AUTS2: variants seen among roughly 807,000 people sequenced by gnomAD.
The protein encoded by AUTS2 is activator of transcription and developmental regulator AUTS2, also known as autism susceptibility gene 2 protein.
Under a neutral mutation model 112.4 loss-of-function variants are expected in AUTS2, and 17 were observed. The observed-to-expected ratio is 0.15, with a 90% confidence interval of 0.10 to 0.23. The LOEUF (loss-of-function observed/expected upper bound fraction) is 0.23, where lower values mean the gene tolerates loss of function less well. AUTS2 is among the 10% of genes least tolerant of loss of function. The pLI is 1.00. For synonymous variants in AUTS2, 751 were observed against 702.7 expected, an observed-to-expected ratio of 1.07 and a Z score of -1.09; for missense variants, 1,510 against 1,701.6, an observed-to-expected ratio of 0.89 and a Z score of 1.98.
intron 5 of AUTS2, among the ~76,000 whole-genome samples, chr7:70,575,180 T>C (rs1441211667): frequency 6.6e-6 from 1 of 152,238 alleles, no homozygotes; most frequent in Non-Finnish European, 1.5e-5. Flanking sequence ...CTTCCCCATC[T>C]GTTCACTGCA....
At chr7:70,426,721 A>G (rs1489173669) in intron 4 of AUTS2, among the ~76,000 whole-genome samples, 1 of 152,192 alleles carries the variant, frequency 6.6e-6, no homozygotes, top group Non-Finnish European at 1.5e-5. Flanking sequence ...GATAAGTTCT[A>G]TTAGCATGTT....
At chr7:70,414,562 G>A (rs1376927398) in intron 4 of AUTS2, among the ~76,000 whole-genome samples, 2 of 152,154 alleles carry the variant, frequency 1.3e-5, no homozygotes, top group East Asian at 1.9e-4. Context: ...CCTCCAGAAC[G>A]TGATGTCAGG....
intron 1 of AUTS2, among the ~76,000 whole-genome samples, chr7:69,704,838 C>T (rs752117576): frequency 6.6e-6 from 1 of 152,104 alleles, no homozygotes; most frequent in Non-Finnish European, 1.5e-5. Flanking sequence ...TTCCTGCTTT[C>T]ATGTCTCTGT....
chr7:70,192,592 G>A (rs1052530564), intron 4 of AUTS2, among the ~76,000 whole-genome samples: 18 of 152,204 alleles, frequency 1.2e-4, no homozygotes, highest in Non-Finnish European at 2.9e-5. Flanking sequence ...CTGCCACACA[G>A]TCCATCATGC....
chr7:70,147,042 G>C (rs1382487352), intron 4 of AUTS2, among the ~76,000 whole-genome samples: 3 of 152,034 alleles, frequency 2.0e-5, no homozygotes, highest in Non-Finnish European at 4.4e-5. Flanking sequence ...ACATTACCAA[G>C]TTGTTACAAT....
intron 5 of AUTS2, among the ~76,000 whole-genome samples, chr7:70,455,009 T>C (rs1019427427): frequency 6.6e-6 from 1 of 152,222 alleles, no homozygotes; most frequent in Non-Finnish European, 1.5e-5. Context: ...AGTACCCTTG[T>C]TGATTCTTTG....
At chr7:69,828,361 GGCAGTT>G (rs1329177686) in intron 1 of AUTS2, among the ~76,000 whole-genome samples, 3 of 152,132 alleles carry the variant, frequency 2.0e-5, no homozygotes, top group Non-Finnish European at 4.4e-5. Context: ...CTTTGAAATT[GGCAGTT>G]GCCATCTTTG....
intron 1 of AUTS2, among the ~76,000 whole-genome samples, chr7:69,833,181 A>C (rs766041388): frequency 3.3e-5 from 5 of 152,094 alleles, no homozygotes; most frequent in Admixed American, 6.5e-5. Context: ...TAAAATTTTT[A>C]GGTCCTCCAG....
At chr7:70,515,598 C>T (rs35713975) in intron 5 of AUTS2, among the ~76,000 whole-genome samples, 12,203 of 152,088 alleles carry the variant, frequency 0.08, 587 homozygotes, top group African/African-American at 0.12. Context: ...TCAACGAGAC[C>T]CAGGGGGACA....
intron 4 of AUTS2, among the ~76,000 whole-genome samples, chr7:70,421,151 G>T (rs563854930): frequency 6.6e-6 from 1 of 152,070 alleles, no homozygotes; most frequent in African/African-American, 2.4e-5. Flanking sequence ...GCATAAGAAG[G>T]TAGGATAGCC....
At chr7:69,867,254 A>C (rs189592450) in intron 1 of AUTS2, among the ~76,000 whole-genome samples, 161 of 152,250 alleles carry the variant, frequency 1.1e-3, no homozygotes, top group Middle Eastern at 3.4e-3. Flanking sequence ...GGCCTTGAGG[A>C]CTTGGTGGGA....
Position 70,298,428 on chromosome 7 carries a change from T to C in AUTS2, c.661-137324T>C, listed in dbSNP as rs78612131. On this transcript the variant is annotated intron_variant, in intron 4 of 18. Transcript: ENST00000342771. The stretch of plus-strand genomic sequence containing the variant: ...TTTCCTCAAGGTCAGTCAGAAGTGA[T>C]TCTGAAACCACCTTTCAGTACTTTA... Among the ~76,000 whole-genome samples, 349 of 152,298 alleles carry C rather than the reference T, an allele frequency of 2.3e-3. 1 individual carries two copies. Among genetic ancestry groups the C allele is most frequent in the African/African-American group, 8.0e-3 (333 of 41,554 alleles).
In AUTS2 at chr7:70,303,422, A is replaced by ACG. The variant is rs776005782; in HGVS notation, c.661-132318_661-132317dup. Among the ~76,000 whole-genome samples the ACG allele has an allele frequency of 7.9e-3, 991 of 125,714 alleles. 8 individuals are homozygous for ACG. The highest frequency in any genetic ancestry group is 0.026 in the South Asian group (100 of 3,836). 82.5% of individuals were successfully genotyped at this position (125,714 alleles called of 152,430 possible). A position where few individuals can be genotyped will look rare whatever the true frequency, so the allele number is the denominator to read the frequency against. On this transcript the variant is annotated intron_variant, in intron 4 of 18. Transcript: ENST00000342771. Reference sequence around the variant, plus strand: ...TGCACATGTGTGCACGCACACACACACGCGCGCGCGCGCACATACACACAC... The same window carrying ACG: ...TGCACATGTGTGCACGCACACACACACGCGCGCGCGCGCGCACATACACACAC...
chr7:69,978,626 C>A (rs1373863987), intron 2 of AUTS2, among the ~76,000 whole-genome samples: 2 of 152,204 alleles, frequency 1.3e-5, no homozygotes, highest in East Asian at 3.9e-4. Context: ...ATTGCTTGAG[C>A]TCAGGAGTTT....
chr7:70,303,410 A>G (rs922643454), intron 4 of AUTS2, among the ~76,000 whole-genome samples: 8 of 146,848 alleles, frequency 5.4e-5, no homozygotes, highest in African/African-American at 1.5e-4. Context: ...ACATGTGTGC[A>G]CGCACACACA....
intron 4 of AUTS2, among the ~76,000 whole-genome samples, chr7:70,352,084 T>A (rs1218217354): frequency 2.0e-5 from 3 of 152,208 alleles, no homozygotes; most frequent in Non-Finnish European, 4.4e-5. Context: ...TATTTAATCT[T>A]CATAACAATC....
chr7:69,738,635 G>T (rs1787136827), intron 1 of AUTS2, among the ~76,000 whole-genome samples: 1 of 152,148 alleles, frequency 6.6e-6, no homozygotes, highest in African/African-American at 2.4e-5. Context: ...AATTAAGTAT[G>T]CTAGGTGCAC....
intron 5 of AUTS2, among the ~76,000 whole-genome samples, chr7:70,495,392 G>A (rs1798415289): frequency 6.6e-6 from 1 of 152,024 alleles, no homozygotes; most frequent in African/African-American, 2.4e-5. Context: ...ACCACTGCAA[G>A]TATTCCCCTT....
intron 5 of AUTS2, among the ~76,000 whole-genome samples, chr7:70,470,270 A>G (rs1797328588): frequency 6.6e-6 from 1 of 152,200 alleles, no homozygotes; most frequent in Admixed American, 6.5e-5. Context: ...TCAGCTGGCC[A>G]CTGCCAGCCC....
Sources: allele counts gnomAD v4.1 joint callset (sites outside exome capture counted in the v4.1 genomes callset), GRCh38; gene constraint gnomAD v4.1.1; transcripts MANE v1.5; gene names NCBI Gene and HGNC (gene_info 2026-07-23, HGNC 2026-07-21).